The following DGKB variants were observed in gnomAD, a reference collection of about 807,000 sequenced individuals.
DGKB encodes the protein 90 kDa diacylglycerol kinase.
In DGKB, 67 loss-of-function variants were observed where a neutral mutation model predicts 114.3. The ratio of observed to expected loss-of-function variants is 0.59; its 90% CI spans 0.48 to 0.72. DGKB has a LOEUF of 0.72. DGKB is among the 30% of genes least tolerant of loss of function. The probability of loss-of-function intolerance (pLI) is 0.00; values close to 1 mark genes in which losing one functional copy is unlikely to be tolerated. For missense variants in DGKB, 907 were observed against 975.2 expected (o/e 0.93, Z 0.93); for synonymous variants, 398 against 323.1 (o/e 1.23, Z -2.49).
intron 23 of DGKB, among the ~76,000 whole-genome samples, chr7:14,245,208 A>T (rs73069604): frequency 0.044 from 6,759 of 152,134 alleles, 227 homozygotes; most frequent in East Asian, 0.17. Context: ...CACTGTGCTA[A>T]ACTTTAAGAA....
chr7:14,253,683 G>A (rs1795565135), intron 23 of DGKB, among the ~76,000 whole-genome samples: 1 of 152,080 alleles, frequency 6.6e-6, no homozygotes, highest in Non-Finnish European at 1.5e-5. Flanking sequence ...TTAAAATATT[G>A]TTATACTTGA....
chr7:14,423,974 A>G (rs1583833429), intron 21 of DGKB, among the ~76,000 whole-genome samples: 1 of 152,220 alleles, frequency 6.6e-6, no homozygotes, highest in Non-Finnish European at 1.5e-5. Flanking sequence ...TTCAAAATAT[A>G]TCCAGAATGC....
chr7:14,640,552 A>G (rs1811576366), intron 13 of DGKB, among the ~76,000 whole-genome samples: 1 of 152,178 alleles, frequency 6.6e-6, no homozygotes, highest in African/African-American at 2.4e-5. Context: ...ATTTTTATCA[A>G]CTGGACTGGA....
intron 23 of DGKB, among the ~76,000 whole-genome samples, chr7:14,330,807 C>T (rs1323242749): frequency 1.3e-5 from 2 of 151,864 alleles, no homozygotes; most frequent in South Asian, 2.1e-4. Context: ...GCAGTTTCTA[C>T]AGTACTATGA....
rs147726764 is a variant in DGKB, at chr7:14,320,562, C to CAT, written c.2122+17951_2122+17952dup. Among the ~76,000 whole-genome samples, 42 of 151,200 alleles carry CAT rather than the reference C, an allele frequency of 2.8e-4. No individual in the cohort carries two copies. The East Asian group carries it at 5.9e-3, about 21-fold the overall frequency. Reference sequence around the variant, plus strand: ...CGGTACATATATGTACTATATAGTACATATATATATGTGTACATATATAGT... The same window carrying CAT: ...CGGTACATATATGTACTATATAGTACATATATATATATGTGTACATATATAGT... On this transcript the variant is annotated intron_variant, in intron 23 of 25. Transcript: ENST00000402815.
chr7:14,960,751 T>A (rs1488453907), intron 1 of DGKB, among the ~76,000 whole-genome samples: 1 of 152,100 alleles, frequency 6.6e-6, no homozygotes, highest in African/African-American at 2.4e-5. Flanking sequence ...ACATCACAGA[T>A]CATCTTTTTG....
intron 20 of DGKB, among the ~76,000 whole-genome samples, chr7:14,498,200 T>C (rs544619540): frequency 2.0e-5 from 3 of 151,956 alleles, no homozygotes; most frequent in South Asian, 4.1e-4. Context: ...TGAAGCAAAT[T>C]TGCCACCTTA....
chr7:14,479,851 CT>C (rs1782727688), intron 20 of DGKB, among the ~76,000 whole-genome samples: 1 of 151,982 alleles, frequency 6.6e-6, no homozygotes, highest in African/African-American at 2.4e-5. Flanking sequence ...ACAAAATCAA[CT>C]TGGAATACCT....
intron 23 of DGKB, among the ~76,000 whole-genome samples, chr7:14,322,936 T>G (rs1290760212): frequency 1.3e-5 from 2 of 152,208 alleles, no homozygotes; most frequent in African/African-American, 2.4e-5. Context: ...TGTAGAGCAG[T>G]GATAGCCCTT....
Position 14,547,778 on chromosome 7 carries a change from T to C in DGKB, c.1770+26434A>G, listed in dbSNP as rs116967773. ...AAAGCAGGTAAGATTAAATTAGCTA[T>C]GGAACATTGAGAAAGTTCATGTCCT... On this transcript the variant is annotated intron_variant, in intron 20 of 25. Coordinates refer to ENST00000402815, the MANE Select transcript of DGKB (RefSeq NM_001350709.2). Among the ~76,000 whole-genome samples the C allele has an allele frequency of 5.4e-3, 829 of 152,278 alleles. 9 individuals carry two copies. The highest frequency in any genetic ancestry group is 9.8e-3 in the Non-Finnish European group (666 of 68,000).
chr7:14,232,556 A>G (rs964849671), intron 23 of DGKB, among the ~76,000 whole-genome samples: 1 of 151,922 alleles, frequency 6.6e-6, no homozygotes, highest in Non-Finnish European at 1.5e-5. Context: ...CAAGAGAATC[A>G]TAAGAGTGAA....
At chr7:14,295,826 A>G (rs1462761799) in intron 23 of DGKB, among the ~76,000 whole-genome samples, 2 of 151,962 alleles carry the variant, frequency 1.3e-5, no homozygotes, top group Non-Finnish European at 2.9e-5. Context: ...ATCTACATTA[A>G]GTATTTCTTC....
chr7:14,461,407 A>T (rs927982983), intron 21 of DGKB, among the ~76,000 whole-genome samples: 9 of 152,104 alleles, frequency 5.9e-5, no homozygotes, highest in Non-Finnish European at 1.3e-4. Flanking sequence ...CAGAGTAAAA[A>T]ATGGTAAAGG....
rs912857531 is a variant in DGKB, at chr7:14,936,768, C to G, written c.-188+37928G>C. The stretch of plus-strand genomic sequence containing the variant: ...CCCATGTCATCCTGCTGCGTTGTTT[C>G]TCAGGCTTCCAAGTTTCCAGGCCAA... On this transcript the variant is annotated intron_variant, in intron 1 of 4. Coordinates refer to the DGKB transcript ENST00000437998. 1.4e-4 allele frequency among the ~76,000 whole-genome samples: 22 copies of G among 152,144 alleles called. No individual in the cohort carries two copies. The South Asian group carries it at 2.1e-3, about 14-fold the overall frequency.
intron 20 of DGKB, among the ~76,000 whole-genome samples, chr7:14,563,649 T>G (rs1203905005): frequency 5.9e-5 from 9 of 152,182 alleles, no homozygotes; most frequent in Admixed American, 3.3e-4. Context: ...CTCTGTTTTT[T>G]TTTTTTTTTT....
intron 2 of DGKB, among the ~76,000 whole-genome samples, chr7:14,832,042 CAAT>C (rs1301527470): frequency 1.3e-5 from 2 of 151,836 alleles, no homozygotes; most frequent in Non-Finnish European, 2.9e-5. Flanking sequence ...ACAACGAAAG[CAAT>C]AATTAACTTA....
intron 22 of DGKB, among the ~76,000 whole-genome samples, chr7:14,343,157 C>CCCCACACACA (rs147711009): frequency 6.0e-5 from 8 of 132,850 alleles, no homozygotes; most frequent in Non-Finnish European, 1.3e-4. Context: ...GCCTAGCTAT[C>CCCCACACACA]CACACACACA....
intron 23 of DGKB, among the ~76,000 whole-genome samples, chr7:14,326,996 A>G (rs1808857663): frequency 6.6e-6 from 1 of 152,160 alleles, no homozygotes; most frequent in African/African-American, 2.4e-5. Flanking sequence ...TGTGTACTAA[A>G]GTCTACCACA....
At chr7:14,193,454 G>A (rs1366910447) in intron 23 of DGKB, among the ~76,000 whole-genome samples, 1 of 152,154 alleles carries the variant, frequency 6.6e-6, no homozygotes, top group Non-Finnish European at 1.5e-5. Context: ...GGAAAAAGTA[G>A]TCTCTTCAAT....
Sources: gnomAD v4.1 joint callset for allele counts (sites outside exome capture counted in the v4.1 genomes callset) on GRCh38, gnomAD v4.1.1 for gene constraint, MANE v1.5 for transcripts, NCBI Gene and HGNC (gene_info 2026-07-23, HGNC 2026-07-21) for gene names.